ZSWIM5: variants seen among roughly 807,000 people sequenced by gnomAD.
ZSWIM5 encodes zinc finger SWIM domain-containing protein 5.
ZSWIM5 carries 55 observed loss-of-function variants against 119.6 expected under a neutral mutation model. That is an observed-to-expected ratio of 0.46 (90% CI 0.37 to 0.58). ZSWIM5 has a LOEUF of 0.58. ZSWIM5 is among the 20% of genes least tolerant of loss of function. The pLI, the probability that ZSWIM5 is intolerant of heterozygous loss-of-function variation, is 0.00. For missense variants in ZSWIM5, 1,193 were observed against 1,512.8 expected (o/e 0.79, Z 3.51); for synonymous variants, 537 against 606.9 (o/e 0.88, Z 1.69).
intron 11 of ZSWIM5, among the ~76,000 whole-genome samples, chr1:45,032,355 C>T (rs1262395017): frequency 6.6e-6 from 1 of 152,142 alleles, no homozygotes; most frequent in African/African-American, 2.4e-5. Flanking sequence ...GTCTCAAACT[C>T]CTGGTCTCAA....
At chr1:45,045,220 T>A (rs1645047180) in intron 5 of ZSWIM5, among the ~76,000 whole-genome samples, 1 of 151,998 alleles carries the variant, frequency 6.6e-6, no homozygotes. Context: ...ATGGAAATGA[T>A]ATTTAAGGTA....
At chr1:45,092,542 C>CG (rs1262260060) in intron 1 of ZSWIM5, among the ~76,000 whole-genome samples, 2 of 91,566 alleles carry the variant, frequency 2.2e-5, no homozygotes, top group Non-Finnish European at 5.2e-5. Flanking sequence ...TGATCCACCC[C>CG]CCCCCCCCCG....
intron 1 of ZSWIM5, among the ~76,000 whole-genome samples, chr1:45,107,071 A>G (rs1353833315): frequency 1.3e-5 from 2 of 152,232 alleles, no homozygotes; most frequent in Admixed American, 6.5e-5. Context: ...GGACACAAAC[A>G]GGGCCGAAGG....
intron 1 of ZSWIM5, among the ~76,000 whole-genome samples, chr1:45,199,033 T>C (rs1260193300): frequency 1.3e-5 from 2 of 152,216 alleles, no homozygotes; most frequent in East Asian, 1.9e-4. Flanking sequence ...TGTTTTCCAA[T>C]GTAGCTGCAC....
rs1227356911 is a variant in ZSWIM5 at position 45,057,068 on chromosome 1, T to C, written c.1252+1541A>G. ...ATAGTTAGGGGAAGCATGAATGCAC[T>C]GTGTTCTAGTGTCTAACCTAATAAG... On this transcript the variant is annotated intron_variant, in intron 4 of 13. Transcript: ENST00000359600. The surrounding 1 kb of genome is among the most constrained non-coding windows in gnomAD (Gnocchi z 4.7). 1.3e-5 allele frequency among the ~76,000 whole-genome samples: 2 copies of C among 152,214 alleles called. No homozygotes were observed. Among genetic ancestry groups the C allele is most frequent in the African/African-American group, 4.8e-5 (2 of 41,454 alleles).
intron 1 of ZSWIM5, among the ~76,000 whole-genome samples, chr1:45,180,143 G>C (rs1350518683): frequency 6.6e-6 from 1 of 152,192 alleles, no homozygotes; most frequent in Non-Finnish European, 1.5e-5. Flanking sequence ...TGACTCACTC[G>C]GGAAGCCCAA....
chr1:45,086,622 G>A (rs548764279), intron 2 of ZSWIM5, among the ~76,000 whole-genome samples: 4 of 151,942 alleles, frequency 2.6e-5, no homozygotes, highest in South Asian at 2.1e-4. Flanking sequence ...ATCACACCCC[G>A]GGGGCTGTCG....
At chr1:45,116,736 AGG>A (rs1645560466) in intron 1 of ZSWIM5, among the ~76,000 whole-genome samples, 1 of 152,188 alleles carries the variant, frequency 6.6e-6, no homozygotes, top group East Asian at 1.9e-4. Context: ...TTTACTGTCT[AGG>A]ACTTTTGTTT....
At chr1:45,163,060 GGC>G (rs1444861341) in intron 1 of ZSWIM5, among the ~76,000 whole-genome samples, 1 of 152,192 alleles carries the variant, frequency 6.6e-6, no homozygotes, top group Non-Finnish European at 1.5e-5. Flanking sequence ...CTAACTGGGA[GGC>G]ACCTCCCAGT....
chr1:45,071,473 T>TTTTTTTTG (rs1645221841), intron 2 of ZSWIM5, among the ~76,000 whole-genome samples: 2 of 144,648 alleles, frequency 1.4e-5, no homozygotes, highest in African/African-American at 2.6e-5. Flanking sequence ...TTTTTTTTTT[T>TTTTTTTTG]GAGATAGGGT....
intron 4 of ZSWIM5, 79 bp from the exon 5 acceptor site, chr1:45,051,332 T>A (rs956670891): frequency 7.2e-7 from 1 of 1,379,378 alleles, no homozygotes; most frequent in Non-Finnish European, 9.8e-7. Flanking sequence ...GTTTCATTTT[T>A]AGATGGTAGA....
intron 1 of ZSWIM5, among the ~76,000 whole-genome samples, chr1:45,153,923 C>T (rs554403130): frequency 6.6e-6 from 1 of 152,028 alleles, no homozygotes; most frequent in Non-Finnish European, 1.5e-5. Context: ...AATTAATGTA[C>T]ACAAATCAAT....
intron 4 of ZSWIM5, 137 bp downstream of exon 4, chr1:45,058,472 G>T: frequency 1.0e-6 from 1 of 982,114 alleles, no homozygotes; most frequent in South Asian, 1.7e-5. Flanking sequence ...ACTCTGGGTG[G>T]CCTCTGTAGA....
intron 1 of ZSWIM5, among the ~76,000 whole-genome samples, chr1:45,167,162 A>C (rs1645910670): frequency 6.6e-6 from 1 of 151,998 alleles, no homozygotes; most frequent in Admixed American, 6.6e-5. Flanking sequence ...CCTCGGAAAT[A>C]ATACCACACA....
chr1:45,039,136 T>C (rs186883683), intron 7 of ZSWIM5, 63 bp from the exon 8 acceptor site: 3 of 1,580,388 alleles, frequency 1.9e-6, no homozygotes, highest in Admixed American at 1.7e-5. Flanking sequence ...TGTCCCTGCC[T>C]GGGTCTTCTT....
At chr1:45,140,134 T>C (rs139389893) in intron 1 of ZSWIM5, among the ~76,000 whole-genome samples, 22 of 152,258 alleles carry the variant, frequency 1.4e-4, no homozygotes, top group African/African-American at 4.3e-4. Flanking sequence ...ATTAGTGAAA[T>C]AGTACAATAT....
chr1:45,165,644 G>A (rs1420727218), intron 1 of ZSWIM5, among the ~76,000 whole-genome samples: 4 of 152,016 alleles, frequency 2.6e-5, no homozygotes, highest in South Asian at 2.1e-4. Flanking sequence ...TATCACCACC[G>A]ATCCCACAGA....
At chr1:45,061,603 T>C (rs1316212303) in intron 2 of ZSWIM5, among the ~76,000 whole-genome samples, 2 of 151,568 alleles carry the variant, frequency 1.3e-5, no homozygotes, top group Admixed American at 6.6e-5. Flanking sequence ...ACTCCTGGCC[T>C]CAAGTGATCT....
intron 1 of ZSWIM5, 116 bp downstream of exon 1, chr1:45,205,640 G>T: frequency 9.0e-7 from 1 of 1,112,072 alleles, no homozygotes; most frequent in Non-Finnish European, 1.2e-6. Context: ...TCGTCCTTCG[G>T]CAGGGGTACA....
Sources: gnomAD v4.1 joint callset for allele counts (sites outside exome capture counted in the v4.1 genomes callset) on GRCh38, gnomAD v4.1.1 for gene constraint, Gnocchi (gnomAD v3.1) non-coding constraint, MANE v1.5 for transcripts, NCBI Gene and HGNC (gene_info 2026-07-23, HGNC 2026-07-21) for gene names.